Variants in GRIA3 observed in about 807,000 individuals in gnomAD.
GRIA3 encodes glutamate receptor 3.
GRIA3 carries 3 observed loss-of-function variants against 63.0 expected under a neutral mutation model. The ratio of observed to expected loss-of-function variants is 0.05; its 90% confidence interval spans 0.02 to 0.12. The LOEUF is 0.12. Ranked by LOEUF, GRIA3 falls within the 10% of genes least tolerant of loss-of-function variation. The probability of loss-of-function intolerance (pLI) is 1.00; values close to 1 mark genes in which losing one functional copy is unlikely to be tolerated. For synonymous variants in GRIA3, 274 were observed against 257.9 expected (o/e 1.06, Z -0.60); for missense variants, 347 against 700.9 (o/e 0.50, Z 5.70).
chrX:123,303,759 C>G (rs762819642), intron 3 of GRIA3, among the ~76,000 whole-genome samples: 2 of 110,831 alleles, frequency 1.8e-5, no homozygotes, highest in African/African-American at 6.5e-5. Flanking sequence ...CCCCAAAGCC[C>G]CACTTTTAGT....
chrX:123,436,935 C>T (rs1016524715), intron 12 of GRIA3, among the ~76,000 whole-genome samples: 2 of 110,710 alleles, frequency 1.8e-5, no homozygotes, highest in Non-Finnish European at 1.9e-5. Context: ...TATTTACAGT[C>T]CTCCTTCATG....
intron 10 of GRIA3, among the ~76,000 whole-genome samples, chrX:123,412,212 T>A (rs926532339): frequency 2.7e-5 from 3 of 111,846 alleles, no homozygotes; most frequent in Non-Finnish European, 3.8e-5. Flanking sequence ...GGATGCTAGT[T>A]AGTTACAGGG....
At chrX:123,435,446 A>G (rs2045639096) in intron 12 of GRIA3, among the ~76,000 whole-genome samples, 1 of 112,181 alleles carries the variant, frequency 8.9e-6, no homozygotes, top group Non-Finnish European at 1.9e-5. Flanking sequence ...TGACATTGTG[A>G]TTTGCTGAAT....
chrX:123,367,006 G>A lies in GRIA3; in HGVS notation c.750+12043G>A, dbSNP rs188318757. Among the ~76,000 whole-genome samples the A allele has an allele frequency of 6.3e-5, 7 of 111,473 alleles. No individual in the cohort carries two copies. In the East Asian group the frequency reaches 8.4e-4, roughly 13 times the overall value. On this transcript the variant is annotated intron_variant, in intron 5 of 15. Coordinates refer to ENST00000620443, the MANE Select transcript of GRIA3 (RefSeq NM_007325.5). ...TTGAAAAAGCAGATTCTCAGAGCCC[G>A]ACTTTATGAAAAATCATGAGTATCC...
chrX:123,474,393 T>A (rs1025372689), intron 13 of GRIA3, among the ~76,000 whole-genome samples: 1 of 112,351 alleles, frequency 8.9e-6, no homozygotes, highest in Non-Finnish European at 1.9e-5. Context: ...TTTAAAAAAA[T>A]TAAGTTTTGG....
At chrX:123,264,247 TTC>T (rs1248329234) in intron 3 of GRIA3, among the ~76,000 whole-genome samples, 2 of 112,189 alleles carry the variant, frequency 1.8e-5, no homozygotes, top group Non-Finnish European at 3.8e-5. Flanking sequence ...TCCAGGAGCA[TTC>T]TGTCTGGTTT....
intron 11 of GRIA3, 106 bp from the exon 12 acceptor site, chrX:123,427,835 A>G: frequency 3.4e-6 from 2 of 585,349 alleles, no homozygotes; most frequent in Non-Finnish European, 5.9e-6. Context: ...TCCCTCCTTC[A>G]TCAGCTATAC....
At chrX:123,314,999 G>A (rs1204761865) in intron 3 of GRIA3, among the ~76,000 whole-genome samples, 1 of 111,912 alleles carries the variant, frequency 8.9e-6, no homozygotes, top group Non-Finnish European at 1.9e-5. Flanking sequence ...GCTGTTATCA[G>A]TCATGGACAG....
At chrX:123,363,096 T>A (rs953749983) in intron 5 of GRIA3, among the ~76,000 whole-genome samples, 4 of 112,696 alleles carry the variant, frequency 3.5e-5, no homozygotes, top group African/African-American at 1.3e-4. Context: ...ACAATTACTA[T>A]GCATTTCTTT....
chrX:123,357,332 G>A lies in GRIA3; in HGVS notation c.750+2369G>A, dbSNP rs923791535. Among the ~76,000 whole-genome samples, 15 of 109,918 alleles carry A rather than the reference G, an allele frequency of 1.4e-4. No individual in the cohort carries two copies. The Admixed American group carries it at 1.4e-3, about 10-fold the overall frequency. On this transcript the variant is annotated intron_variant, in intron 5 of 15. Coordinates refer to ENST00000620443, the MANE Select transcript of GRIA3 (RefSeq NM_007325.5). ...GCGATCTGAGCCGTGCATAAGAATG[G>A]CTATCTCATTTGGCCTACCATGACC... is the stretch of plus-strand genomic sequence containing the variant.
chrX:123,397,769 C>T (rs2045422407), intron 6 of GRIA3, among the ~76,000 whole-genome samples: 1 of 112,101 alleles, frequency 8.9e-6, no homozygotes, highest in Admixed American at 9.5e-5. Flanking sequence ...TTTAAAAAGT[C>T]AACAACATTC....
chrX:123,470,024 T>C (rs751773403), intron 13 of GRIA3, among the ~76,000 whole-genome samples: 1 of 112,127 alleles, frequency 8.9e-6, no homozygotes, highest in Non-Finnish European at 1.9e-5. Flanking sequence ...CACAGAATTA[T>C]ACCAGACTTT....
At chrX:123,240,534 C>T (rs1489968742) in intron 2 of GRIA3, among the ~76,000 whole-genome samples, 1 of 111,552 alleles carries the variant, frequency 9.0e-6, no homozygotes, top group Non-Finnish European at 1.9e-5. Context: ...TTTCATAATG[C>T]TGCTTACAAT....
chrX:123,208,683 G>A (rs998900104), intron 2 of GRIA3, among the ~76,000 whole-genome samples: 2 of 112,073 alleles, frequency 1.8e-5, no homozygotes, highest in African/African-American at 6.5e-5. Flanking sequence ...GGACCTTAAA[G>A]GTCATCTTTT....
chrX:123,264,998 A>G (rs1431905412), intron 3 of GRIA3, among the ~76,000 whole-genome samples: 2 of 111,577 alleles, frequency 1.8e-5, no homozygotes, highest in East Asian at 5.7e-4. Context: ...CACATCTGTA[A>G]AATGACAGAG....
intron 3 of GRIA3, among the ~76,000 whole-genome samples, chrX:123,314,441 A>T (rs1352999231): frequency 9.0e-6 from 1 of 111,379 alleles, no homozygotes; most frequent in Non-Finnish European, 1.9e-5. Context: ...TTCAATCCAA[A>T]CCCCAGTTGC....
Position 123,432,905 on chromosome X carries a change from A to G in GRIA3, c.2076+4766A>G, listed in dbSNP as rs1158488564. On this transcript the variant is annotated intron_variant, in intron 12 of 15. Transcript: ENST00000620443. Reference sequence around the variant, plus strand: ...ACACAGGGAAGAAACACAGGGGGGAAAAATGCCACCCTTTTTGAAACAAGC... The same window carrying G: ...ACACAGGGAAGAAACACAGGGGGGAGAAATGCCACCCTTTTTGAAACAAGC... 3.6e-5 allele frequency among the ~76,000 whole-genome samples: 4 copies of G among 111,751 alleles called. No individual in the cohort carries two copies. The South Asian group carries it at 1.5e-3, about 42-fold the overall frequency.
intron 3 of GRIA3, among the ~76,000 whole-genome samples, chrX:123,291,495 C>A (rs1178601239): frequency 9.0e-6 from 1 of 110,659 alleles, no homozygotes; most frequent in Non-Finnish European, 1.9e-5. Context: ...AGCAATCATA[C>A]CCCAAGCTTC....
At chrX:123,379,966 C>T (rs1365894503) in intron 5 of GRIA3, among the ~76,000 whole-genome samples, 1 of 109,937 alleles carries the variant, frequency 9.1e-6, no homozygotes, top group Non-Finnish European at 1.9e-5. Context: ...CTACAAAGGA[C>T]ATGAACTCAT....
Sources: allele counts gnomAD v4.1 joint callset (sites outside exome capture counted in the v4.1 genomes callset), GRCh38; gene constraint gnomAD v4.1.1; transcripts MANE v1.5; gene names NCBI Gene and HGNC (gene_info 2026-07-23, HGNC 2026-07-21).